Variants in BCAS3 observed in about 807,000 individuals in gnomAD.
BCAS3 encodes BCAS3 microtubule associated cell migration factor, also known as BCAS4/BCAS3 fusion.
A neutral mutation model predicts 116.1 loss-of-function variants in BCAS3; 53 were observed. That is an observed-to-expected ratio of 0.46 (90% confidence interval 0.37 to 0.57). The LOEUF (loss-of-function observed/expected upper bound fraction) is 0.57. BCAS3 is among the 20% of genes least tolerant of loss of function. The pLI, the probability that BCAS3 is intolerant of heterozygous loss-of-function variation, is 0.00. For missense variants in BCAS3, 917 were observed against 1,165.4 expected, an observed-to-expected ratio of 0.79 and a Z score of 3.10; for synonymous variants, 391 against 408.2, an observed-to-expected ratio of 0.96 and a Z score of 0.51.
intron 7 of BCAS3, among the ~76,000 whole-genome samples, chr17:60,834,768 T>C (rs2051224953): frequency 6.6e-6 from 1 of 151,986 alleles, no homozygotes; most frequent in Admixed American, 6.6e-5. Flanking sequence ...AAAATGACTC[T>C]GTATTTTTTT....
intron 22 of BCAS3, among the ~76,000 whole-genome samples, chr17:61,257,407 C>T (rs993772831): frequency 9.9e-5 from 12 of 121,654 alleles, no homozygotes; most frequent in South Asian, 2.7e-4. Context: ...GGAGACAGAG[C>T]GAGACTCCAT....
At chr17:61,371,489 A>G (rs537403344) in intron 23 of BCAS3, among the ~76,000 whole-genome samples, 4 of 152,314 alleles carry the variant, frequency 2.6e-5, no homozygotes, top group Non-Finnish European at 4.4e-5. Context: ...GATGAGAAGA[A>G]TAAGTTCAAG....
chr17:60,917,767 A>AT (rs1273233911), intron 12 of BCAS3, among the ~76,000 whole-genome samples: 5 of 152,040 alleles, frequency 3.3e-5, no homozygotes, highest in South Asian at 2.1e-4. Context: ...TAATTCTTGT[A>AT]TTTTTTGTAG....
chr17:61,295,775 ACC>A (rs2052832589), intron 22 of BCAS3, among the ~76,000 whole-genome samples: 1 of 147,466 alleles, frequency 6.8e-6, no homozygotes. Context: ...ACATGGTGAA[ACC>A]CCCGTCTCTA....
chr17:61,086,610 G>A (rs192353629), intron 22 of BCAS3: 1 of 852,980 alleles, frequency 1.2e-6, no homozygotes, highest in Non-Finnish European at 1.4e-6. Context: ...TATGAGTTTC[G>A]ATGGCATTGA....
intron 22 of BCAS3, among the ~76,000 whole-genome samples, chr17:61,257,371 T>G (rs992975511): frequency 1.4e-5 from 2 of 140,114 alleles, no homozygotes; most frequent in African/African-American, 2.7e-5. Flanking sequence ...CAGTGAGCCT[T>G]GATCACACCA....
At chr17:61,016,763 C>T (rs989140374) in intron 16 of BCAS3, among the ~76,000 whole-genome samples, 2 of 152,178 alleles carry the variant, frequency 1.3e-5, no homozygotes, top group Admixed American at 6.5e-5. Flanking sequence ...AAACAGTCCT[C>T]AAGTTCTTTC....
intron 22 of BCAS3, among the ~76,000 whole-genome samples, chr17:61,350,993 T>A (rs1486312617): frequency 6.6e-6 from 1 of 152,146 alleles, no homozygotes; most frequent in Non-Finnish European, 1.5e-5. Flanking sequence ...TATTTTAGAA[T>A]GAGAGATTGA....
intron 19 of BCAS3, among the ~76,000 whole-genome samples, chr17:61,061,957 A>G (rs2070095881): frequency 6.6e-6 from 1 of 152,212 alleles, no homozygotes; most frequent in Admixed American, 6.5e-5. Context: ...GCAAGTTAGA[A>G]GTAGCACACC....
At chr17:61,081,490 G>A (rs908819631) in intron 21 of BCAS3, among the ~76,000 whole-genome samples, 1 of 152,024 alleles carries the variant, frequency 6.6e-6, no homozygotes, top group African/African-American at 2.4e-5. Context: ...AAATCTAAAT[G>A]ACTTTAAATT....
chr17:60,991,441 C>A (rs1229652720), intron 15 of BCAS3, among the ~76,000 whole-genome samples: 1 of 152,108 alleles, frequency 6.6e-6, no homozygotes, highest in Non-Finnish European at 1.5e-5. Context: ...TGAATCTTAA[C>A]CTTGATAAAT....
Position 61,286,452 on chromosome 17 carries a change from C to T in BCAS3, c.2426-81875C>T, listed in dbSNP as rs765355261. 3.9e-5 allele frequency among the ~76,000 whole-genome samples: 6 copies of T among 152,154 alleles called. No individual in the cohort carries two copies. In the South Asian group the frequency reaches 6.2e-4, roughly 16 times the overall value. On this transcript the variant is annotated intron_variant, in intron 22 of 23. Transcript: ENST00000407086. The surrounding 1 kb of genome is among the most constrained non-coding windows in gnomAD (Gnocchi z 4.8). ...AATGGCCAGCAGGATAGAAATCCGACGTGGTGTTTATGACCCTGGAGGCCA... is the reference window on the plus strand; with the variant it reads ...AATGGCCAGCAGGATAGAAATCCGATGTGGTGTTTATGACCCTGGAGGCCA...
rs1337045475 is a variant in BCAS3, at chr17:61,013,661, G to T, written c.1487-2090G>T. ...AGATGGCTTCTGTTAACTTTAATGT[G>T]TATTCTGAATTGGAAATTGAGGAGA... is the stretch of plus-strand genomic sequence containing the variant. On this transcript the variant is annotated intron_variant, in intron 15 of 23. Transcript: ENST00000407086. This position sits in a 1 kb window ranked among gnomAD's most constrained non-coding sequence, Gnocchi z 4.4. 2.0e-5 allele frequency among the ~76,000 whole-genome samples: 3 copies of T among 151,388 alleles called. No individual in the cohort carries two copies. Among genetic ancestry groups the T allele is most frequent in the African/African-American group, 4.9e-5 (2 of 41,138 alleles).
intron 15 of BCAS3, among the ~76,000 whole-genome samples, chr17:61,002,391 T>A (rs989631266): frequency 6.6e-6 from 1 of 152,126 alleles, no homozygotes; most frequent in Non-Finnish European, 1.5e-5. Flanking sequence ...ATTTTTTACA[T>A]GGGCAAATCA....
In BCAS3 at chr17:61,132,833, G is replaced by A. The variant is rs560237309; in HGVS notation, c.2425+48269G>A. Among the ~76,000 whole-genome samples, 54 of 152,254 alleles carry A rather than the reference G, an allele frequency of 3.5e-4. No individual in the cohort carries two copies. The highest frequency in any genetic ancestry group is 1.3e-3 in the African/African-American group (54 of 41,540). ...CAGGTCTGTGTGGGTCACGGGGCAA[G>A]ATCAAAGAATCCAAGCAAGGTTCAT... On this transcript the variant is annotated intron_variant, in intron 22 of 23. Transcript: ENST00000407086. The surrounding 1 kb of genome is among the most constrained non-coding windows in gnomAD (Gnocchi z 5.1).
intron 22 of BCAS3, among the ~76,000 whole-genome samples, chr17:61,192,236 GCT>G (rs959792924): frequency 3.6e-4 from 6 of 16,554 alleles, no homozygotes; most frequent in African/African-American, 5.5e-4. Flanking sequence ...ACAGAGCAAG[GCT>G]CTGTTACCAA....
intron 15 of BCAS3, among the ~76,000 whole-genome samples, chr17:60,997,383 A>G (rs553455873): frequency 2.6e-5 from 4 of 152,320 alleles, no homozygotes; most frequent in Non-Finnish European, 5.9e-5. Flanking sequence ...ATAGGAAAAG[A>G]CAGTGTCGAC....
At chr17:61,164,620 A>T (rs2078376081) in intron 22 of BCAS3, among the ~76,000 whole-genome samples, 2 of 152,180 alleles carry the variant, frequency 1.3e-5, no homozygotes, top group Admixed American at 1.3e-4. Context: ...CTAAAGGGTG[A>T]GTTCAGCCCA....
chr17:60,904,595 G>T (rs1567834899), intron 11 of BCAS3, among the ~76,000 whole-genome samples: 1 of 152,158 alleles, frequency 6.6e-6, no homozygotes, highest in Non-Finnish European at 1.5e-5. Context: ...ATTCTGGGAG[G>T]CTGAGGTGGG....
Sources: allele counts gnomAD v4.1 joint callset (sites outside exome capture counted in the v4.1 genomes callset), GRCh38; gene constraint gnomAD v4.1.1; non-coding constraint Gnocchi (gnomAD v3.1); transcripts MANE v1.5; gene names NCBI Gene and HGNC (gene_info 2026-07-23, HGNC 2026-07-21).